The following ROBO1 variants were observed in gnomAD, a reference collection of about 807,000 sequenced individuals.
The protein encoded by ROBO1 is roundabout homolog 1.
Under a neutral mutation model 195.9 loss-of-function variants are expected in ROBO1, and 149 were observed. The ratio of observed to expected loss-of-function variants is 0.76; its 90% CI spans 0.67 to 0.87. The LOEUF (loss-of-function observed/expected upper bound fraction) is 0.87. Among genes scored for constraint, ROBO1 ranks in the 40% least tolerant of loss-of-function variants. The pLI is 0.00. For missense variants in ROBO1, 1,933 were observed against 2,068.3 expected (o/e 0.93, Z 1.27); for synonymous variants, 816 against 733.2 (o/e 1.11, Z -1.82).
In ROBO1 at chr3:78,661,998, A is replaced by C; in HGVS notation, c.2083T>G (p.Trp695Gly). 6.2e-7 allele frequency: 1 copy of C among 1,608,262 alleles called. No individual in the cohort carries two copies. The highest frequency in any genetic ancestry group is 8.5e-7 in the Non-Finnish European group (1 of 1,177,508). ...CAAATATTGTAACAACTCACTGTCCAGTGCACTTCGATGGAAGAGGAAGAA... is the reference window on the plus strand; with the variant it reads ...CAAATATTGTAACAACTCACTGTCCCGTGCACTTCGATGGAAGAGGAAGAA... The part of the protein sequence containing the change: ...VLSSSSIEVH[W>G]TVDQQSQYIQ... Residue 695 changes from tryptophan to glycine, a missense_variant, in exon 15 of 31, where the codon TGG becomes GGG. Transcript: ENST00000464233.
chr3:78,711,440 T>TTTCTTTCTTTCTTTCTTTCTTTCCTTCC (rs770070756), intron 8 of ROBO1, among the ~76,000 whole-genome samples: 4 of 41,582 alleles, frequency 9.6e-5, no homozygotes, highest in African/African-American at 1.6e-4. Flanking sequence ...TCTTTCTTTC[T>TTTCTTTCTTTCTTTCTTTCTTTCCTTCC]TTCCTTCCTT....
At chr3:78,989,245 G>A (rs1314579126) in intron 3 of ROBO1, among the ~76,000 whole-genome samples, 1 of 152,130 alleles carries the variant, frequency 6.6e-6, no homozygotes, top group Non-Finnish European at 1.5e-5. Context: ...TACATTATAT[G>A]TATTAAAACA....
intron 17 of ROBO1, 111 bp downstream of exon 17, chr3:78,659,575 G>T: frequency 5.3e-6 from 4 of 752,904 alleles, no homozygotes; most frequent in Non-Finnish European, 7.4e-6. Flanking sequence ...TTGCTATTTG[G>T]ACCAGCAGAT....
chr3:79,381,767 G>A (rs986073605), intron 2 of ROBO1, among the ~76,000 whole-genome samples: 3 of 151,830 alleles, frequency 2.0e-5, no homozygotes, highest in African/African-American at 4.8e-5. Flanking sequence ...GTTTTCATAT[G>A]TAAAATGCTA....
At chr3:79,246,980 C>T (rs1378158222) in intron 2 of ROBO1, among the ~76,000 whole-genome samples, 2 of 151,906 alleles carry the variant, frequency 1.3e-5, no homozygotes, top group East Asian at 3.9e-4. Context: ...ATGAAGTAAG[C>T]ACTAAATAAA....
At chr3:79,463,247 C>A (rs749808074) in intron 2 of ROBO1, among the ~76,000 whole-genome samples, 5 of 151,880 alleles carry the variant, frequency 3.3e-5, no homozygotes, top group East Asian at 1.9e-4. Flanking sequence ...TGGTGGCGGG[C>A]GCCTGTAGTC....
At chr3:79,315,279 A>G (rs953807833) in intron 2 of ROBO1, among the ~76,000 whole-genome samples, 1 of 152,210 alleles carries the variant, frequency 6.6e-6, no homozygotes, top group African/African-American at 2.4e-5. Flanking sequence ...TCATCTTTAT[A>G]AGAAAAATAA....
intron 2 of ROBO1, among the ~76,000 whole-genome samples, chr3:79,326,752 TTAAAAC>T (rs1411513576): frequency 1.3e-5 from 2 of 152,224 alleles, no homozygotes; most frequent in Admixed American, 1.3e-4. Context: ...TTGAAATTCT[TTAAAAC>T]TAAAAGTAAA....
intron 2 of ROBO1, among the ~76,000 whole-genome samples, chr3:79,273,115 C>A (rs1354782839): frequency 6.6e-6 from 1 of 152,074 alleles, no homozygotes; most frequent in Non-Finnish European, 1.5e-5. Context: ...CTAAAGGAAG[C>A]TCTTCAATCT....
chr3:78,851,022 G>T (rs910633125), intron 4 of ROBO1, among the ~76,000 whole-genome samples: 156 of 152,208 alleles, frequency 1.0e-3, no homozygotes, highest in African/African-American at 3.2e-3. Context: ...GGCCAGGCTG[G>T]TCTCGAACTC....
chr3:79,356,074 C>T (rs1341468834), intron 2 of ROBO1, among the ~76,000 whole-genome samples: 1 of 152,128 alleles, frequency 6.6e-6, no homozygotes, highest in East Asian at 1.9e-4. Context: ...GAAATGGTGG[C>T]TCACACTTGT....
At chr3:78,907,440 G>T (rs1036856200) in intron 4 of ROBO1, among the ~76,000 whole-genome samples, 2 of 152,066 alleles carry the variant, frequency 1.3e-5, no homozygotes, top group Non-Finnish European at 2.9e-5. Flanking sequence ...AATTAGAAAA[G>T]AGCCCCTCCT....
intron 3 of ROBO1, among the ~76,000 whole-genome samples, chr3:78,985,642 A>G (rs1277697656): frequency 1.3e-5 from 2 of 152,188 alleles, no homozygotes; most frequent in Non-Finnish European, 1.5e-5. Flanking sequence ...ATTTAGCGGC[A>G]TCCTTGGCCT....
At chr3:78,897,146 C>T (rs1025621068) in intron 4 of ROBO1, among the ~76,000 whole-genome samples, 2 of 152,200 alleles carry the variant, frequency 1.3e-5, no homozygotes, top group Admixed American at 6.5e-5. Context: ...CCTCCTTATT[C>T]TGTACCTTCA....
At chr3:78,652,467 ATG>A (rs561445909) in intron 18 of ROBO1, among the ~76,000 whole-genome samples, 1 of 152,058 alleles carries the variant, frequency 6.6e-6, no homozygotes, top group Non-Finnish European at 1.5e-5. Context: ...ATGTGTGTGC[ATG>A]TGTGTGTGTA....
At chr3:79,166,390 T>C (rs1008164420) in intron 2 of ROBO1, among the ~76,000 whole-genome samples, 3 of 152,284 alleles carry the variant, frequency 2.0e-5, no homozygotes, top group African/African-American at 4.8e-5. Context: ...ATACCTTCAA[T>C]TGGATTTTTT....
intron 1 of ROBO1, among the ~76,000 whole-genome samples, chr3:79,592,890 T>C (rs1944049480): frequency 6.6e-6 from 1 of 152,102 alleles, no homozygotes; most frequent in Non-Finnish European, 1.5e-5. Context: ...GTGCTTCATC[T>C]ATTCATCCCT....
chr3:79,159,969 A>C (rs2080926878), intron 2 of ROBO1, among the ~76,000 whole-genome samples: 1 of 152,034 alleles, frequency 6.6e-6, no homozygotes, highest in African/African-American at 2.4e-5. Context: ...TAGCAACTCT[A>C]TATGTCTGAG....
chr3:79,137,374 G>A (rs533682472), intron 2 of ROBO1, among the ~76,000 whole-genome samples: 115 of 151,554 alleles, frequency 7.6e-4, no homozygotes, highest in African/African-American at 2.5e-3. Context: ...ATGCCAGGAC[G>A]TTACTAAATA....
Sources: allele counts gnomAD v4.1 joint callset (sites outside exome capture counted in the v4.1 genomes callset), GRCh38; gene constraint gnomAD v4.1.1; transcripts MANE v1.5; gene names NCBI Gene and HGNC (gene_info 2026-07-23, HGNC 2026-07-21).